FGF13: variants seen among roughly 807,000 people sequenced by gnomAD.
FGF13 encodes fibroblast growth factor homologous factor 2.
Under a neutral mutation model 19.5 loss-of-function variants are expected in FGF13, and 2 were observed. The ratio of observed to expected loss-of-function variants is 0.10; its 90% CI spans 0.04 to 0.32. The LOEUF (loss-of-function observed/expected upper bound fraction) is 0.32. FGF13 is among the 10% of genes least tolerant of loss of function. The probability of loss-of-function intolerance (pLI) is 1.00; values close to 1 mark genes in which losing one functional copy is unlikely to be tolerated. For missense variants in FGF13, 113 were observed against 192.7 expected, an observed-to-expected ratio of 0.59 and a Z score of 2.45; for synonymous variants, 72 against 76.9, an observed-to-expected ratio of 0.94 and a Z score of 0.33.
intron 1 of FGF13, among the ~76,000 whole-genome samples, chrX:138,994,394 G>A (rs1256701745): frequency 9.0e-6 from 1 of 111,102 alleles, no homozygotes; most frequent in African/African-American, 3.3e-5. Flanking sequence ...CATCATGTTG[G>A]GGGTTAGGGC....
upstream of FGF13, among the ~76,000 whole-genome samples, chrX:138,743,419 T>C (rs184389625): frequency 1.8e-3 from 203 of 111,614 alleles, 1 homozygote; most frequent in African/African-American, 6.4e-3. Context: ...CAGAGGATTT[T>C]TTCAGCAGTG....
chrX:138,853,524 T>C (rs1053157988), downstream of FGF13, among the ~76,000 whole-genome samples: 7 of 111,192 alleles, frequency 6.3e-5, no homozygotes. Flanking sequence ...GCACAGATTC[T>C]CTTCTCCAAC....
intron 1 of FGF13, among the ~76,000 whole-genome samples, chrX:138,935,262 C>T (rs1003737274): frequency 1.8e-5 from 2 of 110,774 alleles, no homozygotes; most frequent in South Asian, 3.8e-4. Context: ...AAAGCTGGGA[C>T]GCTGAGCGTT....
chrX:138,854,702 G>T (rs2091246467), downstream of FGF13, among the ~76,000 whole-genome samples: 1 of 111,724 alleles, frequency 9.0e-6, no homozygotes, highest in Non-Finnish European at 1.9e-5. Flanking sequence ...TCCCCAAAAG[G>T]CTTAAAAATT....
At chrX:138,807,575 T>A (rs1196395265) in intron 3 of FGF13, among the ~76,000 whole-genome samples, 4 of 111,585 alleles carry the variant, frequency 3.6e-5, no homozygotes, top group Non-Finnish European at 5.6e-5. Context: ...AATGACAGGA[T>A]TAAATTCACA....
intron 1 of FGF13, among the ~76,000 whole-genome samples, chrX:139,139,856 G>A (rs1330944709): frequency 1.8e-5 from 2 of 111,861 alleles, no homozygotes; most frequent in African/African-American, 6.5e-5. Context: ...AGGCAAGAGA[G>A]TATGGTGATT....
chrX:139,162,136 T>C (rs1943393239), intron 1 of FGF13, among the ~76,000 whole-genome samples: 1 of 112,331 alleles, frequency 8.9e-6, no homozygotes, highest in African/African-American at 3.2e-5. Flanking sequence ...TCACGCTACC[T>C]GACTTCAAAC....
intron 3 of FGF13, among the ~76,000 whole-genome samples, chrX:138,788,125 T>C (rs1489639514): frequency 1.8e-5 from 2 of 111,907 alleles, no homozygotes; most frequent in Non-Finnish European, 3.8e-5. Flanking sequence ...GCAAAATTCT[T>C]CTCTATTTAT....
intron 3 of FGF13, among the ~76,000 whole-genome samples, chrX:138,801,865 G>T (rs961107257): frequency 8.9e-6 from 1 of 111,976 alleles, no homozygotes; most frequent in Non-Finnish European, 1.9e-5. Flanking sequence ...GAACTTCCCA[G>T]CCTTCTTAGC....
At chrX:139,143,630 C>G (rs1490163059) in intron 1 of FGF13, among the ~76,000 whole-genome samples, 1 of 111,495 alleles carries the variant, frequency 9.0e-6, no homozygotes, top group Non-Finnish European at 1.9e-5. Context: ...AGATGTCCCC[C>G]ATTCATCCCA....
At chrX:139,041,775 GAATTT>G (rs1049520582) in intron 1 of FGF13, among the ~76,000 whole-genome samples, 2 of 111,584 alleles carry the variant, frequency 1.8e-5, no homozygotes, top group African/African-American at 6.5e-5. Flanking sequence ...ACACCAACTT[GAATTT>G]AATTTAATGT....
upstream of FGF13, among the ~76,000 whole-genome samples, chrX:138,712,598 AAAAG>A (rs1294596208): frequency 8.9e-6 from 1 of 111,872 alleles, no homozygotes; most frequent in Non-Finnish European, 1.9e-5. Flanking sequence ...ATTCTGGAGG[AAAAG>A]AAAGAAGAGG....
In FGF13 at chrX:138,708,889, C is replaced by T. The variant is rs1207647802; in HGVS notation, c.227G>A (p.Arg76Gln). 1 of 1,208,113 alleles carries T rather than the reference C, an allele frequency of 8.3e-7. No individual in the cohort carries two copies. The highest frequency in any genetic ancestry group is 1.1e-6 in the Non-Finnish European group (1 of 892,491). Residue 76 changes from arginine (R) to glutamine (Q), a missense_variant, in exon 2 of 5, where the codon CGA (arginine) becomes CAA (glutamine). By Grantham distance (43) the Arg-to-Gln change is conservative (BLOSUM62 1). Transcript: ENST00000315930. ...LKGIVTKLYS[R>Q]QGYHLQLQAD... ...CTGCAGCTGCAAGTGGTAGCCTTGT[C>T]GGCTGTATAGCTTGGTAACTATACC...
At chrX:138,835,660 G>C (rs1183566361) in intron 3 of FGF13, among the ~76,000 whole-genome samples, 1 of 112,040 alleles carries the variant, frequency 8.9e-6, no homozygotes, top group Non-Finnish European at 1.9e-5. Flanking sequence ...TACATGTAAA[G>C]TTTGTATTGA....
At chrX:139,133,059 C>G (rs1422013140) in intron 1 of FGF13, among the ~76,000 whole-genome samples, 1 of 111,339 alleles carries the variant, frequency 9.0e-6, no homozygotes, top group Non-Finnish European at 1.9e-5. Flanking sequence ...CTAGGTTACA[C>G]AAAGGATTTC....
chrX:138,684,189 G>T lies in FGF13; in HGVS notation c.402+18795C>A, dbSNP rs375753309. Among the ~76,000 whole-genome samples, 71 of 111,699 alleles carry T rather than the reference G, an allele frequency of 6.4e-4. 2 individuals are homozygous for T. Among genetic ancestry groups the T allele is most frequent in the East Asian group, 5.6e-3 (20 of 3,563 alleles). On this transcript the variant is annotated intron_variant, in intron 3 of 4. Transcript: ENST00000315930. ...TGCAAAATAGACTTAAGAGGTCAAA[G>T]AAATATATTATACACTATCATTTGA...
chrX:139,147,435 C>T (rs1386332145), intron 1 of FGF13, among the ~76,000 whole-genome samples: 2 of 111,688 alleles, frequency 1.8e-5, no homozygotes, highest in Admixed American at 1.9e-4. Context: ...CATACCTGTG[C>T]TGCAAGGGAA....
At chrX:138,820,970 T>C (rs1398419536) in intron 3 of FGF13, among the ~76,000 whole-genome samples, 1 of 111,398 alleles carries the variant, frequency 9.0e-6, no homozygotes, top group Non-Finnish European at 1.9e-5. Context: ...GCAAGTCATA[T>C]TCAGAAAATT....
chrX:139,100,319 T>C (rs1183760148), intron 1 of FGF13, among the ~76,000 whole-genome samples: 1 of 109,587 alleles, frequency 9.1e-6, no homozygotes, highest in Non-Finnish European at 1.9e-5. Flanking sequence ...AAGAACATGT[T>C]AGCACTTAAA....
Sources: allele counts gnomAD v4.1 joint callset (sites outside exome capture counted in the v4.1 genomes callset), GRCh38; gene constraint gnomAD v4.1.1; transcripts MANE v1.5; gene names NCBI Gene and HGNC (gene_info 2026-07-23, HGNC 2026-07-21).